The following FGF9 variants were observed in gnomAD, a reference collection of about 807,000 sequenced individuals.
FGF9 encodes fibroblast growth factor 9 (glia-activating factor).
A neutral mutation model predicts 19.9 loss-of-function variants in FGF9; 3 were observed. That is an observed-to-expected ratio of 0.15 (90% CI 0.07 to 0.39). FGF9 has a LOEUF of 0.39. FGF9 is among the 10% of genes least tolerant of loss of function. The probability of loss-of-function intolerance (pLI) is 1.00; values close to 1 mark genes in which losing one functional copy is unlikely to be tolerated. For missense variants in FGF9, 175 were observed against 256.8 expected, an observed-to-expected ratio of 0.68 and a Z score of 2.18; for synonymous variants, 107 against 106.9, an observed-to-expected ratio of 1.00 and a Z score of -0.01.
chr13:21,680,452 C>T (rs1872016856), intron 1 of FGF9, among the ~76,000 whole-genome samples: 2 of 144,082 alleles, frequency 1.4e-5, no homozygotes, highest in South Asian at 2.2e-4. Flanking sequence ...AAACAGAATA[C>T]TTTTTTTTTT....
intron 1 of FGF9, among the ~76,000 whole-genome samples, chr13:21,675,943 C>T (rs1871906136): frequency 6.7e-6 from 1 of 150,366 alleles, no homozygotes; most frequent in African/African-American, 2.4e-5. Context: ...TTTTTTTCCC[C>T]CTCGGATTGG....
rs1374545064 is a variant in FGF9 at position 21,691,628 on chromosome 13, G to A, written c.382-9562G>A. On this transcript the variant is annotated intron_variant, in intron 2 of 2. Coordinates refer to ENST00000382353, the MANE Select transcript of FGF9 (RefSeq NM_002010.3). This position sits in a 1 kb window ranked among gnomAD's most constrained non-coding sequence, Gnocchi z 4.2. The stretch of plus-strand genomic sequence containing the variant: ...AGCCCCTCCGGGGCTGTCGTTCAGC[G>A]TCCTGGCCCGAGAGATGCCCTCCAT... Among the ~76,000 whole-genome samples, 2 of 152,196 alleles carry A rather than the reference G, an allele frequency of 1.3e-5. No individual in the cohort carries two copies. The highest frequency in any genetic ancestry group is 1.9e-4 in the East Asian group (1 of 5,186).
At position 21,671,642 on chromosome 13, in the gene FGF9, G is replaced by C. The variant is rs1871768992; in HGVS notation, c.-271G>C. On this transcript the variant is annotated 5_prime_UTR_variant, in exon 1 of 3. Transcript: ENST00000382353. ...GCTAAGAGCTGGGGATCTATCTATA[G>C]AGATACATAGATATGTTTATCAATA... is the stretch of plus-strand genomic sequence containing the variant. The C allele has an allele frequency of 1.7e-6, 1 of 600,216 alleles. No homozygotes were observed. The highest frequency in any genetic ancestry group is 3.0e-6 in the Non-Finnish European group (1 of 338,296). 37.2% of individuals were successfully genotyped at this position (600,216 alleles called of 1,614,324 possible).
rs998931240 is a variant in FGF9, at chr13:21,671,340, C to A, written c.-573C>A. The A allele has an allele frequency of 2.6e-6, 1 of 392,094 alleles. No individual in the cohort carries two copies. Among genetic ancestry groups the A allele is most frequent in the Non-Finnish European group, 4.5e-6 (1 of 223,038 alleles). 24.3% of individuals were successfully genotyped at this position (392,094 alleles called of 1,614,324 possible). A position where few individuals can be genotyped will look rare whatever the true frequency, so the allele number is the denominator to read the frequency against. On this transcript the variant is annotated 5_prime_UTR_variant, in exon 1 of 3. Coordinates refer to ENST00000382353, the MANE Select transcript of FGF9 (RefSeq NM_002010.3). ...TATTATCATTTTTTGGAGGGGGGAC[C>A]GGGAGGGGAGATTTGTCGCCGCCAC... is the stretch of plus-strand genomic sequence containing the variant.
chr13:21,680,064 TA>T (rs1872007345), intron 1 of FGF9, among the ~76,000 whole-genome samples: 1 of 151,988 alleles, frequency 6.6e-6, no homozygotes, highest in Non-Finnish European at 1.5e-5. Flanking sequence ...TGTGTGGCCA[TA>T]AAATTCTGGA....
intron 1 of FGF9, among the ~76,000 whole-genome samples, chr13:21,675,859 G>C (rs1261464635): frequency 6.6e-6 from 1 of 152,036 alleles, no homozygotes; most frequent in Non-Finnish European, 1.5e-5. Flanking sequence ...ACGTGGGGGT[G>C]GGGGAGTCTT....
At chr13:21,695,105 T>C (rs1348269217) in intron 2 of FGF9, among the ~76,000 whole-genome samples, 2 of 151,196 alleles carry the variant, frequency 1.3e-5, no homozygotes, top group African/African-American at 4.9e-5. Context: ...TGTGTGTGTG[T>C]GTGTGTGTGT....
At position 21,702,922 on chromosome 13, in the gene FGF9, A is replaced by C. The variant is rs1254810360; in HGVS notation, c.*1487A>C. On this transcript the variant is annotated 3_prime_UTR_variant, in exon 3 of 3. Transcript: ENST00000382353. ...CTCCACAAGCGCTCAATTTTTTTAG[A>C]GGGGATATTACTATATAGAATATCT... 1.3e-5 allele frequency: 2 copies of C among 152,204 alleles called. No individual in the cohort carries two copies. Among genetic ancestry groups the C allele is most frequent in the African/African-American group, 2.4e-5 (1 of 41,470 alleles). 9.4% of individuals were successfully genotyped at this position (152,204 alleles called of 1,614,324 possible). A position where few individuals can be genotyped will look rare whatever the true frequency, so the allele number is the denominator to read the frequency against.
chr13:21,677,514 A>G (rs1238470264), intron 1 of FGF9, among the ~76,000 whole-genome samples: 1 of 152,152 alleles, frequency 6.6e-6, no homozygotes, highest in Non-Finnish European at 1.5e-5. Flanking sequence ...GCCTGGCACC[A>G]GCTCCACCCC....
Position 21,681,162 on chromosome 13 carries a change from C to G in FGF9, c.381+17C>G. 1 of 1,534,194 alleles carries G rather than the reference C, an allele frequency of 6.5e-7. No homozygotes were observed. The highest frequency in any genetic ancestry group is 9.0e-7 in the Non-Finnish European group (1 of 1,108,054). The stretch of plus-strand genomic sequence containing the variant: ...TATGGATCAGTAAGTACTGGAGGGA[C>G]TTCATCCAGCTTTATCTCCATGTTT... On this transcript the variant is annotated intron_variant, in intron 2 of 2. Transcript: ENST00000382353.
chr13:21,695,114 G>C (rs1872377489), intron 2 of FGF9, among the ~76,000 whole-genome samples: 1 of 149,666 alleles, frequency 6.7e-6, no homozygotes, highest in African/African-American at 2.5e-5. Context: ...GTGTGTGTGT[G>C]TGAGAGAGAC....
chr13:21,692,292 CT>C (rs1403579383), intron 2 of FGF9, among the ~76,000 whole-genome samples: 1 of 152,168 alleles, frequency 6.6e-6, no homozygotes, highest in African/African-American at 2.4e-5. Context: ...TTCCCCCCTT[CT>C]TTCGTTTTCC....
At chr13:21,695,142 C>A (rs1565953258) in intron 2 of FGF9, among the ~76,000 whole-genome samples, 1 of 151,250 alleles carries the variant, frequency 6.6e-6, no homozygotes, top group South Asian at 2.1e-4. Context: ...AGCCTGGGAC[C>A]CATATCATTG....
intron 2 of FGF9, among the ~76,000 whole-genome samples, chr13:21,686,237 C>T (rs554419620): frequency 7.9e-5 from 12 of 152,212 alleles, no homozygotes; most frequent in Admixed American, 2.6e-4. Flanking sequence ...CCATGTTGAC[C>T]GGGCTGATCT....
chr13:21,684,035 A>G (rs1228133979), intron 2 of FGF9, among the ~76,000 whole-genome samples: 1 of 152,248 alleles, frequency 6.6e-6, no homozygotes, highest in Non-Finnish European at 1.5e-5. Flanking sequence ...CACATCATGC[A>G]GTCTGATTTA....
chr13:21,697,454 C>T (rs925830040), intron 2 of FGF9, among the ~76,000 whole-genome samples: 2 of 152,074 alleles, frequency 1.3e-5, no homozygotes, highest in African/African-American at 4.8e-5. Context: ...GCCAATGATA[C>T]TGTTTGAAAT....
intron 2 of FGF9, among the ~76,000 whole-genome samples, chr13:21,682,268 C>G (rs985303929): frequency 3.9e-5 from 6 of 151,992 alleles, no homozygotes; most frequent in Non-Finnish European, 8.8e-5. Context: ...TTGCCTTGGT[C>G]TCCCAAAGTA....
intron 1 of FGF9, among the ~76,000 whole-genome samples, chr13:21,679,782 CAAAAAAAAAA>C (rs760146847): frequency 5.7e-5 from 3 of 52,438 alleles, no homozygotes; most frequent in African/African-American, 2.0e-4. Context: ...ACTAAAAATA[CAAAAAAAAAA>C]AAAAAAAAAA....
intron 1 of FGF9, among the ~76,000 whole-genome samples, chr13:21,674,702 T>G (rs1228150168): frequency 6.6e-6 from 1 of 150,822 alleles, no homozygotes; most frequent in Non-Finnish European, 1.5e-5. Context: ...CTTCCCTCCA[T>G]GAGCATTTTT....
Sources: gnomAD v4.1 joint callset for allele counts (sites outside exome capture counted in the v4.1 genomes callset) on GRCh38, gnomAD v4.1.1 for gene constraint, Gnocchi (gnomAD v3.1) non-coding constraint, MANE v1.5 for transcripts, NCBI Gene and HGNC (gene_info 2026-07-23, HGNC 2026-07-21) for gene names.